DDRGK1: variants seen among roughly 807,000 people sequenced by gnomAD.
The protein encoded by DDRGK1 is DDRGK domain containing 1, also known as DDRGK domain-containing protein 1.
DDRGK1 carries 38 observed loss-of-function variants against 45.8 expected under a neutral mutation model. The observed-to-expected ratio is 0.83, with a 90% CI of 0.64 to 1.09. The LOEUF is 1.09. Ranked by LOEUF, DDRGK1 falls within the 50% of genes least tolerant of loss-of-function variation. The probability of loss-of-function intolerance (pLI) is 0.00; values close to 1 mark genes in which losing one functional copy is unlikely to be tolerated. For synonymous variants in DDRGK1, 171 were observed against 168.7 expected, an observed-to-expected ratio of 1.01 and a Z score of -0.11; for missense variants, 403 against 419.9, an observed-to-expected ratio of 0.96 and a Z score of 0.35.
chr20:3,196,927 T>TA (rs780325285), intron 4 of DDRGK1, among the ~76,000 whole-genome samples: 72 of 151,192 alleles, frequency 4.8e-4, no homozygotes, highest in East Asian at 3.1e-3. Context: ...TATACAAATA[T>TA]AAAAAAAATG....
intron 4 of DDRGK1, among the ~76,000 whole-genome samples, chr20:3,197,224 G>GAAAAAAA (rs34672443): frequency 1.3e-5 from 1 of 74,564 alleles, no homozygotes; most frequent in African/African-American, 5.2e-5. Flanking sequence ...CTCCATCTCA[G>GAAAAAAA]AAAAAAAAAA....
At chr20:3,196,090 AC>A (rs2067008638) in intron 4 of DDRGK1, among the ~76,000 whole-genome samples, 1 of 151,986 alleles carries the variant, frequency 6.6e-6, no homozygotes, top group Non-Finnish European at 1.5e-5. Flanking sequence ...TTGTAGCCCC[AC>A]CCGAATCTCT....
At chr20:3,202,035 A>G (rs1361265286) in intron 2 of DDRGK1, among the ~76,000 whole-genome samples, 2 of 149,790 alleles carry the variant, frequency 1.3e-5, no homozygotes, top group Admixed American at 1.3e-4. Flanking sequence ...GCTGGAGTGC[A>G]GTGGCGCGAT....
chr20:3,191,635 G>A lies in DDRGK1; in HGVS notation c.729+130C>T, dbSNP rs988199898. On this transcript the variant is annotated intron_variant, in intron 7 of 8. Transcript: ENST00000354488. ...ATTCCCAGGGTGCCAGGAGACTTCTGTGCACTACTCACTCTTGGTTGGGGA... is the reference window on the plus strand; with the variant it reads ...ATTCCCAGGGTGCCAGGAGACTTCTATGCACTACTCACTCTTGGTTGGGGA... 9 of 1,065,266 alleles carry A rather than the reference G, an allele frequency of 8.4e-6. No homozygotes were observed. The African/African-American group carries it at 1.4e-4, about 17-fold the overall frequency. The allele number at this position is 1,065,266 out of a possible 1,614,324, so 66.0% of individuals were successfully genotyped here.
chr20:3,200,847 A>G, intron 2 of DDRGK1, among the ~76,000 whole-genome samples: 1 of 152,182 alleles, frequency 6.6e-6, no homozygotes, highest in East Asian at 1.9e-4. Context: ...ACGGTGGCTC[A>G]TGCCTGTAAT....
In DDRGK1 at chr20:3,190,647, C is replaced by G; in HGVS notation, c.*6G>C. 6.2e-7 allele frequency: 1 copy of G among 1,613,392 alleles called. No homozygotes were observed. The highest frequency in any genetic ancestry group is 8.5e-7 in the Non-Finnish European group (1 of 1,179,922). Reference sequence around the variant, plus strand: ...CAACTCTGAGTCCAAGAGGGAAGGACTGGGGTCAGGCTGGGGCTTGGGCAG... The same window carrying G: ...CAACTCTGAGTCCAAGAGGGAAGGAGTGGGGTCAGGCTGGGGCTTGGGCAG... On this transcript the variant is annotated 3_prime_UTR_variant, in exon 9 of 9. Transcript: ENST00000354488.
intron 2 of DDRGK1, among the ~76,000 whole-genome samples, chr20:3,201,761 C>T (rs1203450986): frequency 6.6e-6 from 1 of 150,620 alleles, no homozygotes; most frequent in Non-Finnish European, 1.5e-5. Flanking sequence ...GGGTTCACGC[C>T]ATTCTCCTGC....
chr20:3,194,910 C>T (rs2295549), intron 5 of DDRGK1, 42 bp from the exon 6 acceptor site: 1 of 1,608,148 alleles, frequency 6.2e-7, no homozygotes, highest in Non-Finnish European at 8.5e-7. Flanking sequence ...CCCTAGCAAG[C>T]CCACAGGGTT....
chr20:3,196,893 G>A (rs2067013337), intron 4 of DDRGK1, among the ~76,000 whole-genome samples: 1 of 151,670 alleles, frequency 6.6e-6, no homozygotes, highest in Non-Finnish European at 1.5e-5. Context: ...ATAACACAAA[G>A]TACAAAATAA....
At chr20:3,194,711 C>G (rs2067002470) in intron 6 of DDRGK1, 119 bp downstream of exon 6, 2 of 1,335,066 alleles carry the variant, frequency 1.5e-6, no homozygotes, top group Admixed American at 1.9e-5. Flanking sequence ...CCCCTCTGGG[C>G]CCCCCTGTCC....
intron 4 of DDRGK1, among the ~76,000 whole-genome samples, chr20:3,196,936 TG>T (rs1342516239): frequency 6.6e-6 from 1 of 151,248 alleles, no homozygotes; most frequent in East Asian, 2.0e-4. Flanking sequence ...ATAAAAAAAA[TG>T]GCTGGTCGGG....
At chr20:3,194,614 C>T (rs2295548) in intron 6 of DDRGK1, among the ~76,000 whole-genome samples, 45,936 of 152,138 alleles carry the variant, frequency 0.3, 7,078 homozygotes, top group South Asian at 0.44. Context: ...TGATCAAAGG[C>T]TTGCGCCTCC....
At chr20:3,196,647 C>T (rs1160521480) in intron 4 of DDRGK1, among the ~76,000 whole-genome samples, 2 of 152,158 alleles carry the variant, frequency 1.3e-5, no homozygotes, top group African/African-American at 2.4e-5. Flanking sequence ...TGCCACTGCA[C>T]TCCAGCCTGG....
chr20:3,191,039 T>C, intron 8 of DDRGK1, 151 bp downstream of exon 8: 1 of 1,190,220 alleles, frequency 8.4e-7, no homozygotes, highest in South Asian at 1.4e-5. Flanking sequence ...ATGTCCTCCT[T>C]GTAACTGCAT....
rs779149576 is a variant in DDRGK1 at position 3,195,314 on chromosome 20, G to T, written c.550C>A (p.Arg184=). 2 of 1,611,654 alleles carry T rather than the reference G, an allele frequency of 1.2e-6. No homozygotes were observed. Among genetic ancestry groups the T allele is most frequent in the Non-Finnish European group, 1.7e-6 (2 of 1,178,812 alleles). ...ERKAREEQAQ[R]EHEEYLKLKE... is the part of the protein sequence containing the mutation. ...AGTTTCAGGTACTCCTCATGCTCCC[G>T]CTGGGCCTGCTCCTCGCGGGCCTTC... The change falls in exon 5 of 9, where the codon CGG becomes AGG. Residue 184 remains arginine (R), a synonymous_variant. Transcript: ENST00000354488.
chr20:3,191,163 T>C (rs1192935552), intron 8 of DDRGK1, 27 bp downstream of exon 8: 1 of 1,614,062 alleles, frequency 6.2e-7, no homozygotes, highest in South Asian at 1.1e-5. Context: ...AGGCCAGGAC[T>C]GCAGTGATTG....
At chr20:3,199,045 G>A (rs949946266) in intron 4 of DDRGK1, among the ~76,000 whole-genome samples, 1 of 151,262 alleles carries the variant, frequency 6.6e-6, no homozygotes, top group Non-Finnish European at 1.5e-5. Flanking sequence ...TACTCGCAGG[G>A]ACGGGGAACT....
At chr20:3,203,739 C>T (rs1013922668) in intron 1 of DDRGK1, among the ~76,000 whole-genome samples, 1 of 152,204 alleles carries the variant, frequency 6.6e-6, no homozygotes, top group Admixed American at 6.5e-5. Context: ...CCACTGATTT[C>T]TCGCCTAACA....
At chr20:3,203,101 A>G in intron 2 of DDRGK1, 112 bp downstream of exon 2, 1 of 1,034,002 alleles carries the variant, frequency 9.7e-7, no homozygotes, top group Non-Finnish European at 1.4e-6. Context: ...TGGCTCCCAG[A>G]CGTCCCTCCT....
Sources: allele counts gnomAD v4.1 joint callset (sites outside exome capture counted in the v4.1 genomes callset), GRCh38; gene constraint gnomAD v4.1.1; transcripts MANE v1.5; gene names NCBI Gene and HGNC (gene_info 2026-07-23, HGNC 2026-07-21).